EXPH5: variants seen among roughly 807,000 people sequenced by gnomAD.
EXPH5 encodes exophilin-5.
Under a neutral mutation model 41.1 loss-of-function variants are expected in EXPH5, and 42 were observed. That is an observed-to-expected ratio of 1.02 (90% CI 0.80 to 1.32). The LOEUF (loss-of-function observed/expected upper bound fraction) is 1.32, where lower values mean the gene tolerates loss of function less well. Among genes scored for constraint, EXPH5 ranks in the 40% most tolerant of loss-of-function variants. The pLI is 0.00. For missense variants in EXPH5, 2,298 were observed against 2,314.5 expected (o/e 0.99, Z 0.15); for synonymous variants, 798 against 833.5 (o/e 0.96, Z 0.73).
chr11:108,543,250 A>G (rs953983856), intron 1 of EXPH5, among the ~76,000 whole-genome samples: 18 of 152,124 alleles, frequency 1.2e-4, no homozygotes, highest in African/African-American at 4.3e-4. Context: ...TTTCAAATGA[A>G]AATGCTGCTT....
chr11:108,554,533 G>A (rs953759475), intron 1 of EXPH5, among the ~76,000 whole-genome samples: 2 of 152,196 alleles, frequency 1.3e-5, no homozygotes, highest in African/African-American at 2.4e-5. Context: ...CCTGTGAAAT[G>A]TGCAGGATGG....
In EXPH5 at chr11:108,514,568, C is replaced by A; in HGVS notation, c.939G>T (p.Lys313Asn). Residue 313 changes from lysine to asparagine, a missense_variant, in exon 6 of 6, where the codon AAG becomes AAT. Transcript: ENST00000265843. ...ACAGCGAAGTACTGCCAAAAGTATT[C>A]TTTTGCACATAATCTTCTTTAAAGA... The part of the protein sequence containing the change: ...PRVFKEDYVQ[K>N]NTFGSTSLCF... 6.2e-7 allele frequency: 1 copy of A among 1,613,870 alleles called. No individual in the cohort carries two copies. The highest frequency in any genetic ancestry group is 1.1e-5 in the South Asian group (1 of 91,062).
intron 4 of EXPH5, among the ~76,000 whole-genome samples, chr11:108,518,595 C>T (rs1386902299): frequency 6.6e-6 from 1 of 152,206 alleles, no homozygotes; most frequent in Non-Finnish European, 1.5e-5. Flanking sequence ...GATAAGCCTT[C>T]AGGCAAGGTA....
chr11:108,532,407 G>A (rs535810856), intron 3 of EXPH5, among the ~76,000 whole-genome samples: 212 of 99,180 alleles, frequency 2.1e-3, no homozygotes, highest in African/African-American at 8.2e-3. Context: ...TAGAGATGGG[G>A]TTTCACTACG....
Position 108,512,962 on chromosome 11 carries a change from AGT to A in EXPH5, c.2543_2544del (p.His848LeufsTer7), listed in dbSNP as rs1565776839. ...EDISRIITNN[H>X]WSSALTDTQN... ...TGAGTATCAGTCAGTGCAGAGCTCCAGTGGTTATTTGTAATAATTCTTGAAAT... is the reference window on the plus strand; with the variant it reads ...TGAGTATCAGTCAGTGCAGAGCTCCAGGTTATTTGTAATAATTCTTGAAAT... On this transcript the variant is annotated frameshift_variant, in exon 6 of 6. Coordinates refer to ENST00000265843, the MANE Select transcript of EXPH5 (RefSeq NM_015065.3). LOFTEE classifies it low-confidence loss of function (END_TRUNC). 6.2e-7 allele frequency: 1 copy of A among 1,612,664 alleles called. No homozygotes were observed. The highest frequency in any genetic ancestry group is 1.3e-5 in the African/African-American group (1 of 74,848).
At chr11:108,595,732 A>C (rs2094138008), upstream of EXPH5, among the ~76,000 whole-genome samples, 1 of 152,218 alleles carries the variant, frequency 6.6e-6, no homozygotes, top group Non-Finnish European at 1.5e-5. Context: ...AAAAAGGTGC[A>C]TTGTGGGGAC....
intron 3 of EXPH5, among the ~76,000 whole-genome samples, chr11:108,532,393 T>G (rs1591702658): frequency 9.5e-6 from 1 of 104,726 alleles, no homozygotes; most frequent in African/African-American, 3.7e-5. Context: ...TTTTTTTTTT[T>G]TTGTAGAGAT....
intron 4 of EXPH5, among the ~76,000 whole-genome samples, chr11:108,522,826 A>G (rs779004152): frequency 1.3e-5 from 2 of 152,142 alleles, no homozygotes; most frequent in Non-Finnish European, 2.9e-5. Flanking sequence ...GCCCTGGCCT[A>G]GAGGATAAGG....
upstream of EXPH5, among the ~76,000 whole-genome samples, chr11:108,596,734 ACT>A (rs1565841613): frequency 6.6e-6 from 1 of 152,218 alleles, no homozygotes; most frequent in East Asian, 1.9e-4. Flanking sequence ...AGACTTCAGC[ACT>A]GAGGCATGCT....
intron 1 of EXPH5, among the ~76,000 whole-genome samples, chr11:108,549,314 A>C (rs577730303): frequency 6.6e-6 from 1 of 152,322 alleles, no homozygotes; most frequent in South Asian, 2.1e-4. Flanking sequence ...ATTCACATGA[A>C]TCCGTCTGTG....
chr11:108,507,245 A>G lies in EXPH5; in HGVS notation c.*2292T>C, dbSNP rs970063672. On this transcript the variant is annotated 3_prime_UTR_variant, in exon 6 of 6. Transcript: ENST00000265843. ...CGCATGTTCATTAGCTTTGAGTTGC[A>G]TGGGAACCATGTAAAGTAACCCACG... 1.3e-5 allele frequency: 2 copies of G among 152,188 alleles called. No individual in the cohort carries two copies. The highest frequency in any genetic ancestry group is 2.4e-5 in the African/African-American group (1 of 41,452). The allele number at this position is 152,188 out of a possible 1,614,324, so 9.4% of individuals were successfully genotyped here.
intron 3 of EXPH5, among the ~76,000 whole-genome samples, chr11:108,530,480 G>C (rs776546954): frequency 3.9e-5 from 6 of 152,212 alleles, no homozygotes; most frequent in Non-Finnish European, 7.3e-5. Flanking sequence ...GAAGATGGCA[G>C]TGGAAGTGGT....
chr11:108,510,354 T>A lies in EXPH5; in HGVS notation c.5153A>T (p.Asp1718Val), dbSNP rs1314056811. Residue 1718 changes from aspartate to valine, a missense_variant, in exon 6 of 6, where the codon GAC (aspartate) becomes GTC (valine). Transcript: ENST00000265843. ...ESPSKHENSK[D>V]VTAAQNLVRE... ...TACTAAATTCTGAGCTGCTGTGACG[T>A]CTTTAGAATTCTCATGCTTTGATGG... The A allele has an allele frequency of 6.2e-7, 1 of 1,614,214 alleles. No homozygotes were observed. Among genetic ancestry groups the A allele is most frequent in the East Asian group, 2.2e-5 (1 of 44,888 alleles).
rs1819073227 is a variant in EXPH5 at position 108,509,390 on chromosome 11, G to A, written c.*147C>T. On this transcript the variant is annotated 3_prime_UTR_variant, in exon 6 of 6. Transcript: ENST00000265843. Reference sequence around the variant, plus strand: ...CATTCAGGAAGTGTCTATATAGGGTGTGGAGGAAAAAAAAGGAGATGTGGG... The same window carrying A: ...CATTCAGGAAGTGTCTATATAGGGTATGGAGGAAAAAAAAGGAGATGTGGG... 3.1e-6 allele frequency: 2 copies of A among 649,800 alleles called. No homozygotes were observed. The highest frequency in any genetic ancestry group is 3.0e-5 in the Admixed American group (1 of 33,892). The allele number at this position is 649,800 out of a possible 1,614,324, so 40.3% of individuals were successfully genotyped here. A position where few individuals can be genotyped will look rare whatever the true frequency, so the allele number is the denominator to read the frequency against.
chr11:108,537,940 T>G, intron 3 of EXPH5: 3 of 983,002 alleles, frequency 3.1e-6, no homozygotes, highest in Non-Finnish European at 3.6e-6. Flanking sequence ...TCTCAAAAAT[T>G]TTTACAGAGA....
At chr11:108,564,128 A>G (rs1405604906) in intron 1 of EXPH5, among the ~76,000 whole-genome samples, 1 of 151,988 alleles carries the variant, frequency 6.6e-6, no homozygotes, top group Non-Finnish European at 1.5e-5. Context: ...AAAAATACAA[A>G]AAAAAATAAA....
chr11:108,553,234 C>T (rs974094614), intron 1 of EXPH5, among the ~76,000 whole-genome samples: 1 of 151,978 alleles, frequency 6.6e-6, no homozygotes, highest in Non-Finnish European at 1.5e-5. Context: ...CCATTGTAAC[C>T]CTTCTGGATG....
intron 2 of EXPH5, among the ~76,000 whole-genome samples, chr11:108,541,389 G>T (rs60256874): frequency 0.014 from 2,052 of 151,984 alleles, 50 homozygotes; most frequent in African/African-American, 0.046. Context: ...GTTGACATCA[G>T]TGTCTATATT....
chr11:108,600,674 T>C, the EXPH5 span, among the ~76,000 whole-genome samples: 1 of 152,200 alleles, frequency 6.6e-6, no homozygotes, highest in Non-Finnish European at 1.5e-5. Flanking sequence ...TAAATTAATT[T>C]TGGTGTATTT....
Sources: allele counts gnomAD v4.1 joint callset (sites outside exome capture counted in the v4.1 genomes callset), GRCh38; gene constraint gnomAD v4.1.1; transcripts MANE v1.5; gene names NCBI Gene and HGNC (gene_info 2026-07-23, HGNC 2026-07-21).